Variants in MREG observed in about 807,000 individuals in gnomAD.
MREG encodes the protein dilute suppressor protein homolog.
Under a neutral mutation model 28.5 loss-of-function variants are expected in MREG, and 31 were observed. The observed-to-expected ratio is 1.09, with a 90% CI of 0.82 to 1.47. The LOEUF is 1.47. MREG is among the 40% of genes most tolerant of loss of function. The pLI, the probability that MREG is intolerant of heterozygous loss-of-function variation, is 0.00. For missense variants in MREG, 256 were observed against 257.4 expected (o/e 0.99, Z 0.04); for synonymous variants, 106 against 95.2 (o/e 1.11, Z -0.66).
chr2:215,944,863 T>G lies in MREG; in HGVS notation c.645A>C (p.Ter215TyrextTer29). 1 of 1,589,076 alleles carries G rather than the reference T, an allele frequency of 6.3e-7. No individual in the cohort carries two copies. Residue 215 changes from the stop codon to tyrosine (Y), a stop_lost, in exon 5 of 5, where the codon TAA (stop) becomes TAC (tyrosine). Coordinates refer to ENST00000263268, the MANE Select transcript of MREG (RefSeq NM_018000.3). ...ELHYLPFPSP* is the reference protein window; with the variant it reads ...ELHYLPFPSPY ...CCCATTCTGCCCCTGAGCCTCTCCTTTAGGGACTTGGAAACGGAAGGTAGT... is the reference window on the plus strand; with the variant it reads ...CCCATTCTGCCCCTGAGCCTCTCCTGTAGGGACTTGGAAACGGAAGGTAGT...
upstream of MREG, among the ~76,000 whole-genome samples, chr2:216,014,943 G>A (rs1164085974): frequency 2.0e-5 from 3 of 152,138 alleles, no homozygotes; most frequent in East Asian, 3.8e-4. Flanking sequence ...TCTAAGAGCC[G>A]GGAATAAAGC....
At chr2:215,947,581 T>C (rs1692354070) in intron 2 of MREG, among the ~76,000 whole-genome samples, 1 of 152,136 alleles carries the variant, frequency 6.6e-6, no homozygotes, top group Admixed American at 6.6e-5. Context: ...CATCAGCTAA[T>C]AGGTATCAGA....
intron 2 of MREG, among the ~76,000 whole-genome samples, chr2:215,977,760 C>T (rs1433389377): frequency 6.6e-6 from 1 of 152,216 alleles, no homozygotes; most frequent in Admixed American, 6.5e-5. Flanking sequence ...GGAAACTGAA[C>T]AACCTGCTCC....
intron 2 of MREG, among the ~76,000 whole-genome samples, chr2:215,947,737 A>G (rs1328147792): frequency 6.6e-6 from 1 of 152,196 alleles, no homozygotes; most frequent in Non-Finnish European, 1.5e-5. Context: ...CTTCACCACC[A>G]TATCTCAGCA....
chr2:215,943,254 G>A lies in MREG; in HGVS notation c.*1609C>T. 1 of 343,158 alleles carries A rather than the reference G, an allele frequency of 2.9e-6. No individual in the cohort carries two copies. Among genetic ancestry groups the A allele is most frequent in the Non-Finnish European group, 5.8e-6 (1 of 171,182 alleles). The allele number at this position is 343,158 out of a possible 1,614,324, so 21.3% of individuals were successfully genotyped here. Reference sequence around the variant, plus strand: ...AAGTCTTTTCAGTAACATGAACCATGATCTCTTGACAAGTTCCTTGCTTAA... The same window carrying A: ...AAGTCTTTTCAGTAACATGAACCATAATCTCTTGACAAGTTCCTTGCTTAA... On this transcript the variant is annotated 3_prime_UTR_variant, in exon 5 of 5. Coordinates refer to ENST00000263268, the MANE Select transcript of MREG (RefSeq NM_018000.3).
rs115039711 is a variant in MREG, at chr2:215,961,982, T to C, written c.256-14869A>G. On this transcript the variant is annotated intron_variant, in intron 2 of 4. Transcript: ENST00000263268. The stretch of plus-strand genomic sequence containing the variant: ...CTTGGAGTTACTGCTTAGAGCACCT[T>C]AGACAGGCACATCCATAGCCTGGTT... Among the ~76,000 whole-genome samples, 1,321 of 152,274 alleles carry C rather than the reference T, an allele frequency of 8.7e-3. 19 individuals carry two copies. The highest frequency in any genetic ancestry group is 0.03 in the African/African-American group (1,228 of 41,554).
intron 1 of MREG, among the ~76,000 whole-genome samples, chr2:216,012,111 G>C (rs767232069): frequency 6.6e-6 from 1 of 152,200 alleles, no homozygotes; most frequent in Non-Finnish European, 1.5e-5. Context: ...CATCCTAGAA[G>C]AGGAAGATGG....
At position 215,959,136 on chromosome 2, in the gene MREG, T is replaced by C. The variant is rs538238038; in HGVS notation, c.256-12023A>G. ...GCAGTCCTTTCCTAAGTCTCTGTCTTAGGTCTTTTTCTCACCTCTATCTCC... is the reference window on the plus strand; with the variant it reads ...GCAGTCCTTTCCTAAGTCTCTGTCTCAGGTCTTTTTCTCACCTCTATCTCC... On this transcript the variant is annotated intron_variant, in intron 2 of 4. Transcript: ENST00000263268. Among the ~76,000 whole-genome samples, 24 of 152,250 alleles carry C rather than the reference T, an allele frequency of 1.6e-4. No homozygotes were observed. In the East Asian group the frequency reaches 2.3e-3, roughly 15 times the overall value.
At chr2:215,961,058 C>T (rs995558132) in intron 2 of MREG, among the ~76,000 whole-genome samples, 1 of 152,174 alleles carries the variant, frequency 6.6e-6, no homozygotes, top group African/African-American at 2.4e-5. Flanking sequence ...GATCAAATGA[C>T]ACAGCAAAGA....
At chr2:215,995,625 G>A (rs1693852480) in intron 2 of MREG, among the ~76,000 whole-genome samples, 1 of 151,640 alleles carries the variant, frequency 6.6e-6, no homozygotes, top group Non-Finnish European at 1.5e-5. Flanking sequence ...CTCAGAGGTA[G>A]CTGATGAACA....
intron 2 of MREG, among the ~76,000 whole-genome samples, chr2:215,980,472 G>A (rs1430419634): frequency 1.3e-5 from 2 of 152,192 alleles, no homozygotes; most frequent in Non-Finnish European, 2.9e-5. Context: ...AGCTTCGAGG[G>A]AGGCTCCACC....
At chr2:216,030,567 G>A (rs191444528) in intron 1 of MREG, among the ~76,000 whole-genome samples, 10 of 151,314 alleles carry the variant, frequency 6.6e-5, no homozygotes, top group Admixed American at 3.3e-4. Flanking sequence ...TTTTTGAGAC[G>A]GGGTCTCGCC....
At position 215,944,636 on chromosome 2, in the gene MREG, C is replaced by G. The variant is rs888226463; in HGVS notation, c.*227G>C. On this transcript the variant is annotated 3_prime_UTR_variant, in exon 5 of 5. Coordinates refer to ENST00000263268, the MANE Select transcript of MREG (RefSeq NM_018000.3). Reference sequence around the variant, plus strand: ...TTATGAACTATCCATCTGACCAACTCTTTAACTTTCTTCCTAAATATGAGA... The same window carrying G: ...TTATGAACTATCCATCTGACCAACTGTTTAACTTTCTTCCTAAATATGAGA... The G allele has an allele frequency of 1.1e-4, 42 of 378,256 alleles. No homozygotes were observed. The highest frequency in any genetic ancestry group is 8.2e-4 in the African/African-American group (41 of 50,182). 23.4% of individuals were successfully genotyped at this position (378,256 alleles called of 1,614,324 possible).
intron 1 of MREG, among the ~76,000 whole-genome samples, chr2:216,005,009 G>A (rs565504861): frequency 6.6e-6 from 1 of 152,220 alleles, no homozygotes; most frequent in East Asian, 1.9e-4. Flanking sequence ...CTGAGGCAGG[G>A]GTGTGGGTGG....
At chr2:216,033,011 A>C (rs1297530717), upstream of MREG, 1 of 152,242 alleles carries the variant, frequency 6.6e-6, no homozygotes, top group African/African-American at 2.4e-5. Context: ...GAATACAAAT[A>C]ATTCATTCAT....
At chr2:215,977,930 A>G (rs899460704) in intron 2 of MREG, among the ~76,000 whole-genome samples, 2 of 152,254 alleles carry the variant, frequency 1.3e-5, no homozygotes, top group African/African-American at 2.4e-5. Context: ...AGAAAGCAGG[A>G]AAGATCTAAA....
intron 2 of MREG, among the ~76,000 whole-genome samples, chr2:215,988,499 G>T (rs1464512831): frequency 6.6e-6 from 1 of 152,018 alleles, no homozygotes; most frequent in Admixed American, 6.6e-5. Context: ...AGCTACAAGA[G>T]TTTTTTTTCA....
chr2:215,982,081 G>A (rs10200634), intron 2 of MREG, among the ~76,000 whole-genome samples: 2,767 of 152,276 alleles, frequency 0.018, 92 homozygotes, highest in African/African-American at 0.062. Context: ...AACACTTTGG[G>A]AGGCTGAGGT....
intron 2 of MREG, among the ~76,000 whole-genome samples, chr2:215,980,560 C>T (rs1174557303): frequency 6.6e-6 from 1 of 152,216 alleles, no homozygotes; most frequent in Non-Finnish European, 1.5e-5. Context: ...TTCAGTGCAT[C>T]TACTTTATGC....
Sources: gnomAD v4.1 joint callset for allele counts (sites outside exome capture counted in the v4.1 genomes callset) on GRCh38, gnomAD v4.1.1 for gene constraint, MANE v1.5 for transcripts, NCBI Gene and HGNC (gene_info 2026-07-23, HGNC 2026-07-21) for gene names.